The following KCNQ1OT1 variants were observed in gnomAD, a reference collection of about 807,000 sequenced individuals.
KCNQ1OT1 encodes KCNQ1 opposite strand/antisense transcript 1, also known as KCNQ1 antisense RNA 2 (non-protein coding).
In KCNQ1OT1 at chr11:2,653,088, G is replaced by A. The variant is rs960474543; in HGVS notation, n.46907C>T. Reference sequence around the variant, plus strand: ...ATCAAACATCCTCATACAGCAGGGTGTGGAGAGAGGCTCACTGAAGGTTTG... The same window carrying A: ...ATCAAACATCCTCATACAGCAGGGTATGGAGAGAGGCTCACTGAAGGTTTG... On this transcript the variant is annotated non_coding_transcript_exon_variant, in exon 1 of 1. Coordinates refer to ENST00000597346, the Ensembl canonical transcript of KCNQ1OT1. This position sits in a 1 kb window ranked among gnomAD's most constrained non-coding sequence, Gnocchi z 5.3. 5.0e-5 allele frequency: 20 copies of A among 398,630 alleles called. No individual in the cohort carries two copies. Among genetic ancestry groups the A allele is most frequent in the African/African-American group, 3.5e-4 (17 of 48,646 alleles). 24.7% of individuals were successfully genotyped at this position (398,630 alleles called of 1,614,324 possible).
Position 2,617,563 on chromosome 11 carries a change from C to A in KCNQ1OT1, n.82432G>T, listed in dbSNP as rs1266127965. ...CTTTATGAGGTGGAGATTTCATTTT[C>A]TTTGGGAATATACCTAGAAGAGGGA... is the stretch of plus-strand genomic sequence containing the variant. On this transcript the variant is annotated non_coding_transcript_exon_variant, in exon 1 of 1. Coordinates refer to ENST00000597346, the Ensembl canonical transcript of KCNQ1OT1. This position sits in a 1 kb window ranked among gnomAD's most constrained non-coding sequence, Gnocchi z 4.6. 4.8e-5 allele frequency: 19 copies of A among 398,274 alleles called. No individual in the cohort carries two copies. The highest frequency in any genetic ancestry group is 8.8e-5 in the Admixed American group (2 of 22,700). 24.7% of individuals were successfully genotyped at this position (398,274 alleles called of 1,614,324 possible).
At chr11:2,662,146 G>C in exon 1 of KCNQ1OT1, 3 of 1,607,208 alleles carry the variant, frequency 1.9e-6, no homozygotes. Flanking sequence ...AGTCAGACTT[G>C]GTGCTGGGGA....
rs755186162 is a variant in KCNQ1OT1 at position 2,670,414 on chromosome 11, G to C, written n.29581C>G. 2.8e-5 allele frequency: 11 copies of C among 398,090 alleles called. No individual in the cohort carries two copies. The highest frequency in any genetic ancestry group is 4.4e-5 in the Non-Finnish European group (10 of 226,006). The allele number at this position is 398,090 out of a possible 1,614,324, so 24.7% of individuals were successfully genotyped here. A position where few individuals can be genotyped will look rare whatever the true frequency, so the allele number is the denominator to read the frequency against. ...CAGACACCTACTATGTGTATTTCTT[G>C]TGTTGGGGTTAGGAGATACTGCTGT... On this transcript the variant is annotated non_coding_transcript_exon_variant, in exon 1 of 1. Coordinates refer to ENST00000597346, the Ensembl canonical transcript of KCNQ1OT1. The surrounding 1 kb of genome is among the most constrained non-coding windows in gnomAD (Gnocchi z 4.9).
Position 2,647,661 on chromosome 11 carries a change from T to C in KCNQ1OT1, n.52334A>G. On this transcript the variant is annotated non_coding_transcript_exon_variant, in exon 1 of 1. Transcript: ENST00000597346. The surrounding 1 kb of genome is among the most constrained non-coding windows in gnomAD (Gnocchi z 4.0). ...CTTTACTGGGAGACTTTATTACTGA[T>C]ACAATCTCATTCCTTGTTATTGCTC... The C allele has an allele frequency of 2.5e-6, 1 of 398,578 alleles. No individual in the cohort carries two copies. Among genetic ancestry groups the C allele is most frequent in the South Asian group, 1.3e-4 (1 of 7,854 alleles). The allele number at this position is 398,578 out of a possible 1,614,324, so 24.7% of individuals were successfully genotyped here. A position where few individuals can be genotyped will look rare whatever the true frequency, so the allele number is the denominator to read the frequency against.
chr11:2,686,805 C>T (rs1850497288), exon 1 of KCNQ1OT1: 1 of 398,702 alleles, frequency 2.5e-6, no homozygotes, highest in East Asian at 3.6e-5. Context: ...AGCCCCTGCT[C>T]ACCCCTAAAG....
chr11:2,613,661 C>T lies in KCNQ1OT1; in HGVS notation n.86334G>A. The T allele has an allele frequency of 2.5e-6, 1 of 398,410 alleles. No individual in the cohort carries two copies. The highest frequency in any genetic ancestry group is 4.4e-6 in the Non-Finnish European group (1 of 226,018). 24.7% of individuals were successfully genotyped at this position (398,410 alleles called of 1,614,324 possible). ...AGTGGTTATATCAAGGTGCTCATTC[C>T]ACCACCTCAGAAGTGGTCCCTATCT... is the stretch of plus-strand genomic sequence containing the variant. On this transcript the variant is annotated non_coding_transcript_exon_variant, in exon 1 of 1. Transcript: ENST00000597346. The surrounding 1 kb of genome is among the most constrained non-coding windows in gnomAD (Gnocchi z 4.8).
exon 1 of KCNQ1OT1, chr11:2,630,971 G>C (rs965606295): frequency 2.0e-5 from 8 of 398,394 alleles, no homozygotes; most frequent in Non-Finnish European, 3.1e-5. Flanking sequence ...GGTTCCTGCA[G>C]ATGTAAGAAC....
Position 2,653,283 on chromosome 11 carries a change from G to A in KCNQ1OT1, n.46712C>T. On this transcript the variant is annotated non_coding_transcript_exon_variant, in exon 1 of 1. Transcript: ENST00000597346. The surrounding 1 kb of genome is among the most constrained non-coding windows in gnomAD (Gnocchi z 5.3). ...CCCTCTGCCCTGAAAACTAGTGGGG[G>A]CAGTGCAGACCAGTTTAGCTATTTT... The A allele has an allele frequency of 5.0e-6, 2 of 398,730 alleles. No homozygotes were observed. The highest frequency in any genetic ancestry group is 3.6e-5 in the East Asian group (1 of 28,084). The allele number at this position is 398,730 out of a possible 1,614,324, so 24.7% of individuals were successfully genotyped here. A position where few individuals can be genotyped will look rare whatever the true frequency, so the allele number is the denominator to read the frequency against.
chr11:2,675,771 G>C (rs1014128261), exon 1 of KCNQ1OT1: 16 of 398,592 alleles, frequency 4.0e-5, no homozygotes, highest in Non-Finnish European at 2.2e-5. Flanking sequence ...AGCACTGTGT[G>C]CGGGGAGCTG....
chr11:2,640,419 G>A, exon 1 of KCNQ1OT1: 1 of 398,582 alleles, frequency 2.5e-6, no homozygotes, highest in Non-Finnish European at 4.4e-6. Context: ...TCAAGTAGCT[G>A]GGACTACAGG....
chr11:2,621,165 A>G lies in KCNQ1OT1; in HGVS notation n.78830T>C, dbSNP rs372632399. The stretch of plus-strand genomic sequence containing the variant: ...GCTAATTTTTGTGTTTTTAGTAGAG[A>G]CGGGGTTTCACCATGTTGGCCAGGA... On this transcript the variant is annotated non_coding_transcript_exon_variant, in exon 1 of 1. Coordinates refer to ENST00000597346, the Ensembl canonical transcript of KCNQ1OT1. This position sits in a 1 kb window ranked among gnomAD's most constrained non-coding sequence, Gnocchi z 5.7. The G allele has an allele frequency of 1.3e-5, 5 of 397,060 alleles. No homozygotes were observed. The South Asian group carries it at 4.3e-4, about 34-fold the overall frequency. 24.6% of individuals were successfully genotyped at this position (397,060 alleles called of 1,614,324 possible).
rs889923662 is a variant in KCNQ1OT1 at position 2,682,287 on chromosome 11, A to C, written n.17708T>G. The C allele has an allele frequency of 7.5e-6, 3 of 398,420 alleles. No individual in the cohort carries two copies. Among genetic ancestry groups the C allele is most frequent in the Non-Finnish European group, 1.3e-5 (3 of 226,072 alleles). The allele number at this position is 398,420 out of a possible 1,614,324, so 24.7% of individuals were successfully genotyped here. The stretch of plus-strand genomic sequence containing the variant: ...TAAAGCTTAAGACTGGGCTGTAAAA[A>C]ATCACATACCTCCCCTCCCATTCTT... On this transcript the variant is annotated non_coding_transcript_exon_variant, in exon 1 of 1. Transcript: ENST00000597346. This position sits in a 1 kb window ranked among gnomAD's most constrained non-coding sequence, Gnocchi z 5.8.
Position 2,643,919 on chromosome 11 carries a change from G to A in KCNQ1OT1, n.56076C>T, listed in dbSNP as rs1042642720. 4.1e-4 allele frequency: 163 copies of A among 398,504 alleles called. No homozygotes were observed. Among genetic ancestry groups the A allele is most frequent in the Middle Eastern group, 1.3e-3 (2 of 1,586 alleles). 24.7% of individuals were successfully genotyped at this position (398,504 alleles called of 1,614,324 possible). A position where few individuals can be genotyped will look rare whatever the true frequency, so the allele number is the denominator to read the frequency against. ...TTTGTTTTTTCTTTCAGCACTCTGC[G>A]TATATAATCCCATCCTCCTGGCCTG... On this transcript the variant is annotated non_coding_transcript_exon_variant, in exon 1 of 1. Transcript: ENST00000597346.
exon 1 of KCNQ1OT1, chr11:2,632,722 G>C (rs190381467): frequency 5.0e-6 from 2 of 398,302 alleles, no homozygotes; most frequent in African/African-American, 4.1e-5. Flanking sequence ...TATTATCCAA[G>C]TTCATCCATG....
Position 2,682,392 on chromosome 11 carries a change from T to A in KCNQ1OT1, n.17603A>T. ...ATCACATTCAAGGAGCATGAGGGTA[T>A]AGGCTGGCTGTTTCTATTCAGTGTT... On this transcript the variant is annotated non_coding_transcript_exon_variant, in exon 1 of 1. Coordinates refer to ENST00000597346, the Ensembl canonical transcript of KCNQ1OT1. The surrounding 1 kb of genome is among the most constrained non-coding windows in gnomAD (Gnocchi z 5.8). The A allele has an allele frequency of 2.5e-6, 1 of 398,684 alleles. No homozygotes were observed. Among genetic ancestry groups the A allele is most frequent in the African/African-American group, 2.1e-5 (1 of 48,760 alleles). 24.7% of individuals were successfully genotyped at this position (398,684 alleles called of 1,614,324 possible). A position where few individuals can be genotyped will look rare whatever the true frequency, so the allele number is the denominator to read the frequency against.
chr11:2,663,142 C>T lies in KCNQ1OT1; in HGVS notation n.36853G>A. ...GGTAATTATGATCAGACAGGACCTG[C>T]CCACTGTCTTTCCAGGCCCCCCCAG... On this transcript the variant is annotated non_coding_transcript_exon_variant, in exon 1 of 1. Coordinates refer to ENST00000597346, the Ensembl canonical transcript of KCNQ1OT1. The surrounding 1 kb of genome is among the most constrained non-coding windows in gnomAD (Gnocchi z 5.2). The T allele has an allele frequency of 2.5e-6, 1 of 398,712 alleles. No individual in the cohort carries two copies. The highest frequency in any genetic ancestry group is 4.4e-6 in the Non-Finnish European group (1 of 226,158). The allele number at this position is 398,712 out of a possible 1,614,324, so 24.7% of individuals were successfully genotyped here. A position where few individuals can be genotyped will look rare whatever the true frequency, so the allele number is the denominator to read the frequency against.
Position 2,652,701 on chromosome 11 carries a change from C to T in KCNQ1OT1, n.47294G>A. On this transcript the variant is annotated non_coding_transcript_exon_variant, in exon 1 of 1. Transcript: ENST00000597346. The surrounding 1 kb of genome is among the most constrained non-coding windows in gnomAD (Gnocchi z 5.9). ...GTTGTGTGGGTGGCTGTGTTGCTCT[C>T]TTTCCGTTTCCTGGGCTCACTCACG... 1 of 398,924 alleles carries T rather than the reference C, an allele frequency of 2.5e-6. No homozygotes were observed. Among genetic ancestry groups the T allele is most frequent in the East Asian group, 3.6e-5 (1 of 28,078 alleles). The allele number at this position is 398,924 out of a possible 1,614,324, so 24.7% of individuals were successfully genotyped here.
chr11:2,697,174 G>A, exon 1 of KCNQ1OT1: 1 of 398,568 alleles, frequency 2.5e-6, no homozygotes, highest in Non-Finnish European at 4.4e-6. Flanking sequence ...GTATAGTTCT[G>A]CTTTAAACAT....
At position 2,674,870 on chromosome 11, in the gene KCNQ1OT1, G is replaced by A. The variant is rs1437346154; in HGVS notation, n.25125C>T. On this transcript the variant is annotated non_coding_transcript_exon_variant, in exon 1 of 1. Coordinates refer to ENST00000597346, the Ensembl canonical transcript of KCNQ1OT1. This position sits in a 1 kb window ranked among gnomAD's most constrained non-coding sequence, Gnocchi z 5.9. Reference sequence around the variant, plus strand: ...AAAAAAAAAAAAAAAAGCTCACTGGGCACCTTGGCTGCAGGGTCTGAAAAG... The same window carrying A: ...AAAAAAAAAAAAAAAAGCTCACTGGACACCTTGGCTGCAGGGTCTGAAAAG... The A allele has an allele frequency of 2.3e-5, 9 of 396,390 alleles. No individual in the cohort carries two copies. The highest frequency in any genetic ancestry group is 8.3e-5 in the African/African-American group (4 of 48,092). The allele number at this position is 396,390 out of a possible 1,614,324, so 24.6% of individuals were successfully genotyped here.
Sources: allele counts gnomAD v4.1 joint callset, GRCh38; gene constraint gnomAD v4.1.1; non-coding constraint Gnocchi (gnomAD v3.1); transcripts MANE v1.5; gene names NCBI Gene and HGNC (gene_info 2026-07-23, HGNC 2026-07-21).